Variants in PRPSAP1 observed in about 807,000 individuals in gnomAD.
PRPSAP1 encodes phosphoribosyl pyrophosphate synthetase associated protein 1, also known as phosphoribosyl pyrophosphate synthase-associated protein 1.
A neutral mutation model predicts 39.4 loss-of-function variants in PRPSAP1; 31 were observed. The observed-to-expected ratio is 0.79, with a 90% confidence interval of 0.59 to 1.06. The LOEUF (loss-of-function observed/expected upper bound fraction) is 1.06, where lower values mean the gene tolerates loss of function less well. PRPSAP1 is among the 50% of genes least tolerant of loss of function. PRPSAP1 has a pLI of 0.00. For synonymous variants in PRPSAP1, 212 were observed against 192.6 expected (o/e 1.10, Z -0.83); for missense variants, 430 against 511.6 (o/e 0.84, Z 1.54).
At chr17:76,347,645 C>T (rs1272335335) in intron 2 of PRPSAP1, among the ~76,000 whole-genome samples, 2 of 151,956 alleles carry the variant, frequency 1.3e-5, no homozygotes, top group Admixed American at 1.3e-4. Context: ...GACAGGAAAG[C>T]CACTGGAAGA....
intron 1 of PRPSAP1, among the ~76,000 whole-genome samples, chr17:76,349,567 C>A (rs1049630489): frequency 2.0e-5 from 3 of 151,820 alleles, no homozygotes; most frequent in African/African-American, 7.3e-5. Flanking sequence ...TCGAGACCAG[C>A]CTAACTAATA....
chr17:76,341,357 C>T (rs2071436682), intron 3 of PRPSAP1, among the ~76,000 whole-genome samples: 1 of 151,384 alleles, frequency 6.6e-6, no homozygotes, highest in African/African-American at 2.4e-5. Flanking sequence ...CCCAACTCAA[C>T]CACCCGAGTA....
intron 3 of PRPSAP1, 52 bp downstream of exon 3, chr17:76,344,619 T>C: frequency 2.3e-6 from 3 of 1,333,160 alleles, no homozygotes; most frequent in Non-Finnish European, 2.1e-6. Flanking sequence ...AGATAATCAA[T>C]TATATTGTTA....
chr17:76,340,609 G>T (rs1030670678), intron 3 of PRPSAP1, among the ~76,000 whole-genome samples: 2 of 151,636 alleles, frequency 1.3e-5, no homozygotes, highest in Admixed American at 1.3e-4. Context: ...AACCATGAAC[G>T]GCCTCGCACG....
chr17:76,324,371 G>A (rs539135467), intron 7 of PRPSAP1, among the ~76,000 whole-genome samples: 3 of 152,020 alleles, frequency 2.0e-5, no homozygotes, highest in Non-Finnish European at 4.4e-5. Flanking sequence ...GGCTAAGGCG[G>A]GTGGATCATC....
chr17:76,313,687 A>T, intron 8 of PRPSAP1, 134 bp downstream of exon 8: 1 of 947,984 alleles, frequency 1.1e-6, no homozygotes, highest in Non-Finnish European at 1.6e-6. Flanking sequence ...CACTTGGCAC[A>T]AGGGAGTTTG....
chr17:76,327,439 T>C (rs959139705), intron 7 of PRPSAP1, among the ~76,000 whole-genome samples: 4 of 151,960 alleles, frequency 2.6e-5, no homozygotes, highest in Middle Eastern at 3.4e-3. Flanking sequence ...CGGATCACAA[T>C]GTCAAGAGAT....
At chr17:76,325,253 C>T (rs1434544905) in intron 7 of PRPSAP1, among the ~76,000 whole-genome samples, 4 of 147,432 alleles carry the variant, frequency 2.7e-5, no homozygotes, top group Admixed American at 2.0e-4. Flanking sequence ...ACTAAAAATA[C>T]AAAAAATTAC....
chr17:76,313,635 G>A, intron 8 of PRPSAP1, 186 bp downstream of exon 8: 1 of 601,860 alleles, frequency 1.7e-6, no homozygotes, highest in Non-Finnish European at 2.9e-6. Context: ...CCTATCTGTA[G>A]GTTATACTTT....
At position 76,327,513 on chromosome 17, in the gene PRPSAP1, C is replaced by T. The variant is rs568154245; in HGVS notation, c.781+1204G>A. 3.3e-5 allele frequency among the ~76,000 whole-genome samples: 5 copies of T among 151,552 alleles called. No homozygotes were observed. In the South Asian group the frequency reaches 8.3e-4, roughly 25 times the overall value. ...ACTAAAAATACAAAAATTAGCTCGGCGTGTTGGCGCGCACCTATAGCCCCA... is the reference window on the plus strand; with the variant it reads ...ACTAAAAATACAAAAATTAGCTCGGTGTGTTGGCGCGCACCTATAGCCCCA... On this transcript the variant is annotated intron_variant, in intron 7 of 9. Transcript: ENST00000446526.
chr17:76,346,769 G>A (rs2071506071), intron 2 of PRPSAP1, among the ~76,000 whole-genome samples: 1 of 151,710 alleles, frequency 6.6e-6, no homozygotes, highest in Non-Finnish European at 1.5e-5. Flanking sequence ...CGGTGGCTCC[G>A]CCTGTAATCC....
intron 6 of PRPSAP1, among the ~76,000 whole-genome samples, chr17:76,329,243 G>A (rs1200289772): frequency 6.6e-6 from 1 of 151,952 alleles, no homozygotes; most frequent in Non-Finnish European, 1.5e-5. Flanking sequence ...GCTATTTTTT[G>A]TATTTTGTAG....
At chr17:76,328,088 C>T (rs1598525892) in intron 7 of PRPSAP1, among the ~76,000 whole-genome samples, 1 of 151,704 alleles carries the variant, frequency 6.6e-6, no homozygotes, top group East Asian at 1.9e-4. Flanking sequence ...TCCCAGCTAC[C>T]CAGGAGGCGG....
chr17:76,343,149 T>C (rs1057035316), intron 3 of PRPSAP1, among the ~76,000 whole-genome samples: 1 of 152,188 alleles, frequency 6.6e-6, no homozygotes, highest in African/African-American at 2.4e-5. Context: ...GCCATTCTTA[T>C]TACTAATATG....
chr17:76,330,318 AT>A, intron 5 of PRPSAP1: 1 of 603,276 alleles, frequency 1.7e-6, no homozygotes, highest in Non-Finnish European at 2.9e-6. Context: ...TAAAACATTC[AT>A]TTTAGAAAAC....
At chr17:76,324,303 T>TA (rs1161000953) in intron 7 of PRPSAP1, among the ~76,000 whole-genome samples, 4 of 149,842 alleles carry the variant, frequency 2.7e-5, no homozygotes. Context: ...GCTGACATTT[T>TA]AAAAAATGCT....
intron 7 of PRPSAP1, among the ~76,000 whole-genome samples, chr17:76,323,390 G>A (rs553907901): frequency 6.6e-6 from 1 of 150,644 alleles, no homozygotes; most frequent in African/African-American, 2.4e-5. Context: ...GCCATAGATA[G>A]TGATTCCTCT....
At chr17:76,317,577 C>T (rs894219837) in intron 7 of PRPSAP1, among the ~76,000 whole-genome samples, 1 of 152,146 alleles carries the variant, frequency 6.6e-6, no homozygotes, top group African/African-American at 2.4e-5. Flanking sequence ...TTCTGTAGAA[C>T]AGAAATGAAC....
chr17:76,351,494 G>A lies in PRPSAP1; in HGVS notation c.170+2040C>T, dbSNP rs568653776. 3.0e-3 allele frequency among the ~76,000 whole-genome samples: 461 copies of A among 152,000 alleles called. 4 individuals are homozygous for A. Among genetic ancestry groups the A allele is most frequent in the African/African-American group, 0.01 (431 of 41,458 alleles). ...CGCGCCACTGCACTCCAGCCTGGGC[G>A]ACAGCGAGACTCCGTCTCAAAACAA... On this transcript the variant is annotated intron_variant, in intron 1 of 9. Coordinates refer to ENST00000446526, the MANE Select transcript of PRPSAP1 (RefSeq NM_002766.3).
Sources: allele counts gnomAD v4.1 joint callset (sites outside exome capture counted in the v4.1 genomes callset), GRCh38; gene constraint gnomAD v4.1.1; transcripts MANE v1.5; gene names NCBI Gene and HGNC (gene_info 2026-07-23, HGNC 2026-07-21).